DLG2: variants seen among roughly 807,000 people sequenced by gnomAD.
The protein encoded by DLG2 is disks large homolog 2.
A neutral mutation model predicts 132.5 loss-of-function variants in DLG2; 45 were observed. That is an observed-to-expected ratio of 0.34 (90% confidence interval 0.27 to 0.44). The LOEUF (loss-of-function observed/expected upper bound fraction) is 0.44, where lower values mean the gene tolerates loss of function less well. Among genes scored for constraint, DLG2 ranks in the 20% least tolerant of loss-of-function variants. The pLI is 1.00. For synonymous variants in DLG2, 424 were observed against 419.6 expected (o/e 1.01, Z -0.13); for missense variants, 1,045 against 1,196.9 (o/e 0.87, Z 1.87).
At chr11:83,881,762 C>A (rs2066327556) in intron 15 of DLG2, among the ~76,000 whole-genome samples, 1 of 152,148 alleles carries the variant, frequency 6.6e-6, no homozygotes, top group Non-Finnish European at 1.5e-5. Context: ...GATTTGCATA[C>A]TAACAAAGAA....
chr11:84,365,223 T>G (rs1234227527), intron 7 of DLG2, among the ~76,000 whole-genome samples: 1 of 152,200 alleles, frequency 6.6e-6, no homozygotes, highest in African/African-American at 2.4e-5. Context: ...ATTCAACTTC[T>G]TCCTGGTTTA....
chr11:85,263,270 A>G (rs1391689687), intron 4 of DLG2, among the ~76,000 whole-genome samples: 1 of 152,224 alleles, frequency 6.6e-6, no homozygotes, highest in East Asian at 1.9e-4. Flanking sequence ...TTATCATTCC[A>G]ATGCTGTTTG....
chr11:85,259,716 T>C (rs1454173037), intron 4 of DLG2, among the ~76,000 whole-genome samples: 1 of 151,994 alleles, frequency 6.6e-6, no homozygotes, highest in Non-Finnish European at 1.5e-5. Flanking sequence ...ATAAATTCTG[T>C]CTTACTTCTC....
chr11:85,100,113 T>A (rs1257647515), intron 6 of DLG2, among the ~76,000 whole-genome samples: 1 of 152,152 alleles, frequency 6.6e-6, no homozygotes, highest in African/African-American at 2.4e-5. Flanking sequence ...GTAAATTAAC[T>A]CATATAAACA....
At chr11:85,083,426 C>G (rs1593862522) in intron 6 of DLG2, among the ~76,000 whole-genome samples, 1 of 152,154 alleles carries the variant, frequency 6.6e-6, no homozygotes, top group East Asian at 1.9e-4. Flanking sequence ...AGACTGGTTT[C>G]AATCGATTTA....
At chr11:85,544,910 A>G (rs2153214173) in intron 3 of DLG2, among the ~76,000 whole-genome samples, 1 of 152,314 alleles carries the variant, frequency 6.6e-6, no homozygotes, top group Non-Finnish European at 1.5e-5. Flanking sequence ...GGGGTTTTCT[A>G]AATACACAAT....
chr11:85,003,946 C>A (rs1378855638), intron 6 of DLG2, among the ~76,000 whole-genome samples: 1 of 152,164 alleles, frequency 6.6e-6, no homozygotes, highest in African/African-American at 2.4e-5. Flanking sequence ...GTTCAACTCC[C>A]ACTTATGAGT....
chr11:84,983,406 C>T (rs575748604), intron 6 of DLG2, among the ~76,000 whole-genome samples: 7 of 152,112 alleles, frequency 4.6e-5, no homozygotes, highest in African/African-American at 7.2e-5. Context: ...CACTACAGTT[C>T]GGCTCTCAGG....
intron 10 of DLG2, among the ~76,000 whole-genome samples, chr11:84,060,986 T>C (rs1299760725): frequency 6.6e-6 from 1 of 152,184 alleles, no homozygotes; most frequent in South Asian, 2.1e-4. Context: ...TTTCAATCCA[T>C]TCACTACACA....
At chr11:85,191,914 G>T (rs2080609061) in intron 4 of DLG2, among the ~76,000 whole-genome samples, 1 of 152,124 alleles carries the variant, frequency 6.6e-6, no homozygotes, top group Non-Finnish European at 1.5e-5. Context: ...GCTTTTTGAG[G>T]CTCAGAAGTG....
At chr11:84,991,728 T>C (rs1312708133) in intron 6 of DLG2, among the ~76,000 whole-genome samples, 1 of 152,134 alleles carries the variant, frequency 6.6e-6, no homozygotes, top group Non-Finnish European at 1.5e-5. Context: ...TACATGATGT[T>C]ACTATTGCGA....
At chr11:84,677,952 A>C (rs191402305) in intron 6 of DLG2, among the ~76,000 whole-genome samples, 1 of 152,176 alleles carries the variant, frequency 6.6e-6, no homozygotes, top group African/African-American at 2.4e-5. Flanking sequence ...AACAATATTA[A>C]TCTAATATTC....
intron 3 of DLG2, among the ~76,000 whole-genome samples, chr11:85,462,639 C>T (rs922126531): frequency 7.4e-5 from 11 of 148,954 alleles, no homozygotes; most frequent in Non-Finnish European, 1.0e-4. Context: ...CATCACACAC[C>T]GGGGCCTGTT....
chr11:83,846,977 T>C (rs1182712560), intron 16 of DLG2, among the ~76,000 whole-genome samples: 1 of 151,714 alleles, frequency 6.6e-6, no homozygotes, highest in Non-Finnish European at 1.5e-5. Context: ...CCCCTCTTTT[T>C]CTTTTATTTC....
At chr11:84,994,577 A>AT (rs2154127101) in intron 6 of DLG2, among the ~76,000 whole-genome samples, 1 of 152,312 alleles carries the variant, frequency 6.6e-6, no homozygotes, top group South Asian at 2.1e-4. Context: ...AATGTATACA[A>AT]TTTTTGTCAT....
chr11:84,812,329 T>A (rs1160961432), intron 6 of DLG2, among the ~76,000 whole-genome samples: 2 of 152,184 alleles, frequency 1.3e-5, no homozygotes, highest in Non-Finnish European at 2.9e-5. Context: ...TGCACCTTTA[T>A]AGGCACATAC....
At chr11:85,122,536 A>G (rs2074444598) in intron 5 of DLG2, among the ~76,000 whole-genome samples, 1 of 152,182 alleles carries the variant, frequency 6.6e-6, no homozygotes, top group Non-Finnish European at 1.5e-5. Context: ...ATCGAGGGCC[A>G]TGTGCTGCAG....
chr11:84,005,600 C>T (rs926459918), intron 11 of DLG2, among the ~76,000 whole-genome samples: 1 of 151,454 alleles, frequency 6.6e-6, no homozygotes, highest in Non-Finnish European at 1.5e-5. Flanking sequence ...ATCTGACAAG[C>T]GACTAATATC....
intron 3 of DLG2, among the ~76,000 whole-genome samples, chr11:85,501,423 T>A (rs934651301): frequency 7.2e-5 from 11 of 152,140 alleles, no homozygotes; most frequent in Admixed American, 7.2e-4. Flanking sequence ...ACAAATGGGA[T>A]CTAATTAAAC....
Sources: gnomAD v4.1 joint callset for allele counts (sites outside exome capture counted in the v4.1 genomes callset) on GRCh38, gnomAD v4.1.1 for gene constraint, MANE v1.5 for transcripts, NCBI Gene and HGNC (gene_info 2026-07-23, HGNC 2026-07-21) for gene names.